SSBP2: variants seen among roughly 807,000 people sequenced by gnomAD.
SSBP2 encodes single stranded DNA binding protein 2.
SSBP2 carries 17 observed loss-of-function variants against 61.8 expected under a neutral mutation model. The ratio of observed to expected loss-of-function variants is 0.28; its 90% confidence interval spans 0.19 to 0.41. SSBP2 has a LOEUF of 0.41. Ranked by LOEUF, SSBP2 falls within the 10% of genes least tolerant of loss-of-function variation. The pLI is 1.00. For synonymous variants in SSBP2, 139 were observed against 141.3 expected, an observed-to-expected ratio of 0.98 and a Z score of 0.12; for missense variants, 310 against 458.7, an observed-to-expected ratio of 0.68 and a Z score of 2.96.
intron 4 of SSBP2, among the ~76,000 whole-genome samples, chr5:81,567,528 G>C (rs568595530): frequency 4.1e-4 from 63 of 152,358 alleles, no homozygotes; most frequent in Non-Finnish European, 7.3e-4. Flanking sequence ...ACCTCTGCTA[G>C]GGCACAGCAG....
chr5:81,608,915 T>C (rs184056920), intron 4 of SSBP2, among the ~76,000 whole-genome samples: 125 of 152,140 alleles, frequency 8.2e-4, no homozygotes, highest in African/African-American at 2.8e-3. Context: ...TGATAACTAG[T>C]TGGAGGTAAA....
chr5:81,594,273 A>G (rs1393869468), intron 4 of SSBP2, among the ~76,000 whole-genome samples: 3 of 152,246 alleles, frequency 2.0e-5, no homozygotes, highest in Admixed American at 2.0e-4. Flanking sequence ...AAAGGGATCA[A>G]TTCAACAAGA....
Position 81,442,660 on chromosome 5 carries a change from C to T in SSBP2, c.842G>A (p.Arg281Lys). ...AAAAAAGTTCATATTTACATTAGGT[C>T]TGTTAGGTCCAGGAGGTACTGCATT... The change falls in exon 13 of 17, where the codon AGA becomes AAA. Residue 281 changes from arginine (R) to lysine (K), a missense_variant. By Grantham distance (26) the Arg-to-Lys change is conservative. Transcript: ENST00000320672. 1.3e-6 allele frequency: 2 copies of T among 1,565,860 alleles called. No homozygotes were observed. Among genetic ancestry groups the T allele is most frequent in the Non-Finnish European group, 1.7e-6 (2 of 1,153,044 alleles).
intron 1 of SSBP2, among the ~76,000 whole-genome samples, chr5:81,702,954 A>G (rs937084907): frequency 6.6e-6 from 1 of 152,198 alleles, no homozygotes; most frequent in Non-Finnish European, 1.5e-5. Flanking sequence ...ACAACTGGGA[A>G]TAAGAGCAGA....
Position 81,668,248 on chromosome 5 carries a change from TAAAAAAAAAAAAAA to T in SSBP2, c.63-17923_63-17910del, listed in dbSNP as rs11332987. Among the ~76,000 whole-genome samples, 452 of 94,940 alleles carry T rather than the reference TAAAAAAAAAAAAAA, an allele frequency of 4.8e-3. 4 individuals are homozygous for T. The highest frequency in any genetic ancestry group is 0.018 in the African/African-American group (430 of 24,158). The allele number at this position is 94,940 out of a possible 152,430, so 62.3% of individuals were successfully genotyped here. A position where few individuals can be genotyped will look rare whatever the true frequency, so the allele number is the denominator to read the frequency against. ...TAAAGATAGAGCTTATATGGAAGTT[TAAAAAAAAAAAAAA>T]AAAAAAAAAAACAGGAAAAAGGAAA... is the stretch of plus-strand genomic sequence containing the variant. On this transcript the variant is annotated intron_variant, in intron 1 of 16. Transcript: ENST00000320672.
intron 1 of SSBP2, among the ~76,000 whole-genome samples, chr5:81,688,394 G>A (rs1356740034): frequency 6.6e-6 from 1 of 152,178 alleles, no homozygotes; most frequent in Non-Finnish European, 1.5e-5. Context: ...TTTGCCATCT[G>A]CTGATTATAG....
chr5:81,750,878 G>T, intron 1 of SSBP2, 103 bp downstream of exon 1: 1 of 1,251,290 alleles, frequency 8.0e-7, no homozygotes, highest in Non-Finnish European at 1.1e-6. Flanking sequence ...CACCCCCGGC[G>T]CTCCCCGGGC....
intron 1 of SSBP2, among the ~76,000 whole-genome samples, chr5:81,692,736 G>A (rs1753300354): frequency 6.6e-6 from 1 of 152,114 alleles, no homozygotes; most frequent in Non-Finnish European, 1.5e-5. Flanking sequence ...TGACAAAGAT[G>A]TCAAGGATAT....
At chr5:81,695,765 T>C (rs1753558880) in intron 1 of SSBP2, among the ~76,000 whole-genome samples, 1 of 152,186 alleles carries the variant, frequency 6.6e-6, no homozygotes, top group Admixed American at 6.5e-5. Context: ...CTTCTCTCTT[T>C]GCTTTGACTA....
intron 10 of SSBP2, among the ~76,000 whole-genome samples, chr5:81,458,361 T>C (rs543496949): frequency 4.9e-4 from 74 of 152,316 alleles, no homozygotes; most frequent in African/African-American, 1.8e-3. Flanking sequence ...TTAGGAAATA[T>C]ACATGCAAGT....
chr5:81,466,749 G>C (rs2154009854), intron 9 of SSBP2, among the ~76,000 whole-genome samples: 1 of 151,900 alleles, frequency 6.6e-6, no homozygotes, highest in South Asian at 2.1e-4. Context: ...AGGGAACAAA[G>C]AAAACATAAG....
upstream of SSBP2, chr5:81,751,355 C>T (rs543164457): frequency 9.9e-6 from 5 of 503,844 alleles, no homozygotes; most frequent in African/African-American, 1.9e-5. Flanking sequence ...CCCCCTCCCC[C>T]CTCCGAACCC....
chr5:81,432,649 G>A (rs1156690601), intron 15 of SSBP2, among the ~76,000 whole-genome samples: 1 of 152,180 alleles, frequency 6.6e-6, no homozygotes, highest in East Asian at 1.9e-4. Flanking sequence ...GGGAGGCTGA[G>A]GCAGGAGAAT....
intron 4 of SSBP2, among the ~76,000 whole-genome samples, chr5:81,539,221 GAAGAA>G (rs1225748923): frequency 6.6e-6 from 1 of 152,182 alleles, no homozygotes; most frequent in African/African-American, 2.4e-5. Flanking sequence ...GACTTGAGTG[GAAGAA>G]GTCACTGCAA....
At chr5:81,478,741 G>A (rs1326148795) in intron 6 of SSBP2, among the ~76,000 whole-genome samples, 1 of 152,152 alleles carries the variant, frequency 6.6e-6, no homozygotes, top group East Asian at 1.9e-4. Context: ...AAAGCGCTGG[G>A]ATTATAGGTG....
intron 4 of SSBP2, among the ~76,000 whole-genome samples, chr5:81,518,368 C>T (rs556720962): frequency 2.6e-5 from 4 of 152,036 alleles, no homozygotes; most frequent in Admixed American, 6.6e-5. Flanking sequence ...AAGAGGCGGG[C>T]CCTTTAGGAG....
chr5:81,512,424 T>C (rs943004414), intron 5 of SSBP2, among the ~76,000 whole-genome samples: 1 of 152,210 alleles, frequency 6.6e-6, no homozygotes, highest in Admixed American at 6.5e-5. Flanking sequence ...GGCATGTAGT[T>C]AGCAGTTGTT....
At chr5:81,511,104 A>G in intron 5 of SSBP2, among the ~76,000 whole-genome samples, 1 of 151,794 alleles carries the variant, frequency 6.6e-6, no homozygotes, top group Non-Finnish European at 1.5e-5. Flanking sequence ...CTTCCTAGAA[A>G]TTTCTTCCCC....
chr5:81,567,701 A>G (rs1471995083), intron 4 of SSBP2, among the ~76,000 whole-genome samples: 1 of 152,132 alleles, frequency 6.6e-6, no homozygotes. Context: ...CCCAGGTGGG[A>G]GGCAGACTGT....
Sources: gnomAD v4.1 joint callset for allele counts (sites outside exome capture counted in the v4.1 genomes callset) on GRCh38, gnomAD v4.1.1 for gene constraint, MANE v1.5 for transcripts, NCBI Gene and HGNC (gene_info 2026-07-23, HGNC 2026-07-21) for gene names.